SMARCA1: variants seen among roughly 807,000 people sequenced by gnomAD.
SMARCA1 encodes SWI/SNF-related matrix-associated actin-dependent regulator of chromatin subfamily A member 1.
In SMARCA1, 17 loss-of-function variants were observed where a neutral mutation model predicts 93.6. That is an observed-to-expected ratio of 0.18 (90% CI 0.12 to 0.27). The LOEUF (loss-of-function observed/expected upper bound fraction) is 0.27, where lower values mean the gene tolerates loss of function less well. SMARCA1 is among the 10% of genes least tolerant of loss of function. SMARCA1 has a pLI of 1.00. For missense variants in SMARCA1, 630 were observed against 819.0 expected, an observed-to-expected ratio of 0.77 and a Z score of 2.82; for synonymous variants, 271 against 271.4, an observed-to-expected ratio of 1.00 and a Z score of 0.01.
chrX:129,476,193 G>A (rs1036978759), intron 19 of SMARCA1, among the ~76,000 whole-genome samples: 13 of 112,012 alleles, frequency 1.2e-4, no homozygotes, highest in African/African-American at 3.2e-4. Flanking sequence ...CCTTTAAGTC[G>A]AAAGAGCAAT....
intron 21 of SMARCA1, among the ~76,000 whole-genome samples, chrX:129,466,661 A>C (rs1049881188): frequency 9.0e-6 from 1 of 110,879 alleles, no homozygotes; most frequent in Non-Finnish European, 1.9e-5. Context: ...TCTCAAAAAC[A>C]AACAAATAAA....
At chrX:129,514,124 G>A (rs1020615349) in intron 5 of SMARCA1, among the ~76,000 whole-genome samples, 53 of 112,453 alleles carry the variant, frequency 4.7e-4, no homozygotes, top group African/African-American at 1.4e-3. Context: ...TCAGGAGATC[G>A]AGACCATCGT....
chrX:129,467,079 TTCAC>T (rs1434618232), intron 21 of SMARCA1, among the ~76,000 whole-genome samples: 1 of 112,249 alleles, frequency 8.9e-6, no homozygotes, highest in Non-Finnish European at 1.9e-5. Context: ...CATTTACTCA[TTCAC>T]TCACATATTC....
chrX:129,476,312 T>G (rs1933383161), intron 19 of SMARCA1, among the ~76,000 whole-genome samples: 1 of 112,193 alleles, frequency 8.9e-6, no homozygotes, highest in Admixed American at 9.5e-5. Flanking sequence ...TTCTCTCACC[T>G]TCAAATAAAA....
At chrX:129,487,450 G>A (rs1397511797) in intron 16 of SMARCA1, among the ~76,000 whole-genome samples, 2 of 112,551 alleles carry the variant, frequency 1.8e-5, no homozygotes, top group African/African-American at 6.4e-5. Context: ...CTAAGAGAAA[G>A]GCAAAGATGG....
chrX:129,486,019 G>A (rs1241545326), intron 17 of SMARCA1, among the ~76,000 whole-genome samples: 1 of 111,780 alleles, frequency 8.9e-6, no homozygotes, highest in African/African-American at 3.3e-5. Flanking sequence ...TGCTAAGACA[G>A]TAGATATACC....
intron 19 of SMARCA1, among the ~76,000 whole-genome samples, chrX:129,476,906 A>G (rs1009090157): frequency 8.9e-6 from 1 of 111,921 alleles, no homozygotes; most frequent in African/African-American, 3.2e-5. Flanking sequence ...AAACCACCCA[A>G]TTAAAGAACC....
At chrX:129,493,978 T>G (rs1934220029) in intron 12 of SMARCA1, among the ~76,000 whole-genome samples, 1 of 111,661 alleles carries the variant, frequency 9.0e-6, no homozygotes, top group African/African-American at 3.3e-5. Flanking sequence ...GTCTTCTTCT[T>G]ATTGGGAAAA....
intron 19 of SMARCA1, among the ~76,000 whole-genome samples, chrX:129,473,827 C>A (rs190243935): frequency 8.9e-6 from 1 of 112,102 alleles, no homozygotes; most frequent in African/African-American, 3.2e-5. Context: ...GGAAAAGGCA[C>A]TTTCTGGGGT....
At chrX:129,474,598 A>G (rs940767606) in intron 19 of SMARCA1, among the ~76,000 whole-genome samples, 2 of 112,337 alleles carry the variant, frequency 1.8e-5, no homozygotes, top group African/African-American at 6.5e-5. Flanking sequence ...TCCAGTGGTC[A>G]TATTAATTAA....
In SMARCA1 at chrX:129,481,066, C is replaced by T. The variant is rs1933633929; in HGVS notation, c.2328+9G>A. Reference sequence around the variant, plus strand: ...TTAGGACATAAAAACTGGCCTTGTACAGTTTTACCTTTGGAATCTTTGGCT... The same window carrying T: ...TTAGGACATAAAAACTGGCCTTGTATAGTTTTACCTTTGGAATCTTTGGCT... On this transcript the variant is annotated intron_variant, in intron 18 of 24. Transcript: ENST00000371121. 1.8e-6 allele frequency: 2 copies of T among 1,126,605 alleles called. No individual in the cohort carries two copies. Among genetic ancestry groups the T allele is most frequent in the East Asian group, 3.0e-5 (1 of 33,216 alleles). 92.8% of individuals were successfully genotyped at this position (1,126,605 alleles called of 1,213,427 possible).
At chrX:129,467,061 C>T (rs1602661009) in intron 21 of SMARCA1, among the ~76,000 whole-genome samples, 1 of 112,041 alleles carries the variant, frequency 8.9e-6, no homozygotes, top group East Asian at 2.8e-4. Flanking sequence ...TTTATAAGCA[C>T]CTGTGTTCAT....
At chrX:129,456,947 A>C (rs1932656836) in intron 23 of SMARCA1, among the ~76,000 whole-genome samples, 1 of 112,142 alleles carries the variant, frequency 8.9e-6, no homozygotes, top group Non-Finnish European at 1.9e-5. Context: ...GAGGGGACTG[A>C]CTCCAATTTT....
intron 6 of SMARCA1, 146 bp downstream of exon 6, chrX:129,511,658 T>C: frequency 5.1e-6 from 2 of 390,775 alleles, no homozygotes; most frequent in Non-Finnish European, 8.8e-6. Flanking sequence ...GCAAAGCACT[T>C]AAAACAGAGT....
intron 16 of SMARCA1, 54 bp downstream of exon 16, chrX:129,488,883 G>A (rs1189843917): frequency 3.9e-6 from 3 of 761,144 alleles, no homozygotes; most frequent in Non-Finnish European, 5.9e-6. Flanking sequence ...GTATGCTGAA[G>A]TATGTTGATA....
chrX:129,474,336 A>C (rs760386589), intron 19 of SMARCA1, among the ~76,000 whole-genome samples: 54 of 111,861 alleles, frequency 4.8e-4, no homozygotes, highest in Non-Finnish European at 9.4e-4. Context: ...TTTGATCTTA[A>C]GATATCCTTC....
At chrX:129,476,809 G>A (rs1054745477) in intron 19 of SMARCA1, among the ~76,000 whole-genome samples, 24 of 111,463 alleles carry the variant, frequency 2.2e-4, no homozygotes, top group Non-Finnish European at 2.8e-4. Flanking sequence ...TATGTCTAAC[G>A]GTTATATATC....
chrX:129,480,880 T>C, intron 18 of SMARCA1, 66 bp from the exon 19 acceptor site: 3 of 711,284 alleles, frequency 4.2e-6, no homozygotes, highest in South Asian at 2.8e-5. Context: ...TACTTATCTT[T>C]TACTATTTCT....
At chrX:129,497,758 GTGAA>G in intron 11 of SMARCA1, 83 bp downstream of exon 11, 1 of 575,761 alleles carries the variant, frequency 1.7e-6, no homozygotes, top group East Asian at 3.6e-5. Context: ...TGCTGAATAA[GTGAA>G]TGAATGAATA....
Sources: allele counts gnomAD v4.1 joint callset (sites outside exome capture counted in the v4.1 genomes callset), GRCh38; gene constraint gnomAD v4.1.1; transcripts MANE v1.5; gene names NCBI Gene and HGNC (gene_info 2026-07-23, HGNC 2026-07-21).